The following ZRANB3 variants were observed in gnomAD, a reference collection of about 807,000 sequenced individuals.
ZRANB3 encodes the protein zinc finger RANBP2-type containing 3, also known as DNA annealing helicase and endonuclease ZRANB3.
ZRANB3 carries 125 observed loss-of-function variants against 133.8 expected under a neutral mutation model. The observed-to-expected ratio is 0.93, with a 90% CI of 0.81 to 1.08. The LOEUF (loss-of-function observed/expected upper bound fraction) is 1.08. Ranked by LOEUF, ZRANB3 falls within the 50% of genes least tolerant of loss-of-function variation. The pLI is 0.00. For synonymous variants in ZRANB3, 387 were observed against 432.7 expected (o/e 0.89, Z 1.31); for missense variants, 1,229 against 1,275.5 (o/e 0.96, Z 0.56).
rs111353356 is a variant in ZRANB3 at position 135,220,887 on chromosome 2, C to T, written c.2251-1709G>A. ...TTTTTTTTTTTTTGAGACAGAGTCACACTCTTTTGCCCAGGCTGGAGTGCA... is the reference window on the plus strand; with the variant it reads ...TTTTTTTTTTTTTGAGACAGAGTCATACTCTTTTGCCCAGGCTGGAGTGCA... On this transcript the variant is annotated intron_variant, in intron 15 of 20. Coordinates refer to ENST00000264159, the MANE Select transcript of ZRANB3 (RefSeq NM_032143.4). Among the ~76,000 whole-genome samples, 404 of 142,740 alleles carry T rather than the reference C, an allele frequency of 2.8e-3. 4 individuals carry two copies. The highest frequency in any genetic ancestry group is 0.01 in the African/African-American group (376 of 37,144). 93.6% of individuals were successfully genotyped at this position (142,740 alleles called of 152,430 possible). A position where few individuals can be genotyped will look rare whatever the true frequency, so the allele number is the denominator to read the frequency against.
chr2:135,279,959 A>G (rs560055043), intron 8 of ZRANB3, among the ~76,000 whole-genome samples: 11 of 152,214 alleles, frequency 7.2e-5, no homozygotes, highest in Non-Finnish European at 1.6e-4. Context: ...ATAGATTTTC[A>G]TTTTAAAATG....
In ZRANB3 at chr2:135,340,056, G is replaced by A. The variant is rs1229462970; in HGVS notation, c.677+5494C>T. ...TAATGTTTAAATATTTTATTCATCT[G>A]GAATTTATTGTTGTGTAAGAAGAAG... On this transcript the variant is annotated intron_variant, in intron 6 of 20. Transcript: ENST00000264159. 4.0e-5 allele frequency among the ~76,000 whole-genome samples: 6 copies of A among 150,340 alleles called. No individual in the cohort carries two copies. The South Asian group carries it at 1.3e-3, about 32-fold the overall frequency.
intron 5 of ZRANB3, among the ~76,000 whole-genome samples, chr2:135,349,684 A>G (rs1685106204): frequency 6.6e-6 from 1 of 152,224 alleles, no homozygotes; most frequent in Non-Finnish European, 1.5e-5. Flanking sequence ...GATTAAGACC[A>G]TAGAAGAACC....
At chr2:135,232,830 C>CA (rs926084903) in intron 12 of ZRANB3, among the ~76,000 whole-genome samples, 26 of 152,154 alleles carry the variant, frequency 1.7e-4, no homozygotes, top group African/African-American at 6.3e-4. Context: ...TAGATAAAAT[C>CA]ACAAAGATGG....
intron 2 of ZRANB3, among the ~76,000 whole-genome samples, chr2:135,415,952 G>T (rs565744670): frequency 7.6e-4 from 116 of 151,874 alleles, no homozygotes; most frequent in African/African-American, 2.4e-3. Flanking sequence ...TTGATGGGAC[G>T]TATCTCAAAA....
At chr2:135,498,476 G>A (rs981167139) in intron 2 of ZRANB3, among the ~76,000 whole-genome samples, 4 of 152,116 alleles carry the variant, frequency 2.6e-5, no homozygotes, top group Non-Finnish European at 5.9e-5. Context: ...ATCTTCGTAA[G>A]CTGAGGATGA....
chr2:135,507,412 C>T (rs948934195), intron 1 of ZRANB3, among the ~76,000 whole-genome samples: 1 of 152,276 alleles, frequency 6.6e-6, no homozygotes, highest in Non-Finnish European at 1.5e-5. Flanking sequence ...AGCTACTAAT[C>T]AGATATACTA....
chr2:135,433,148 C>T (rs1689390232), intron 2 of ZRANB3, among the ~76,000 whole-genome samples: 1 of 152,060 alleles, frequency 6.6e-6, no homozygotes, highest in African/African-American at 2.4e-5. Flanking sequence ...AATGAACCCC[C>T]TAAGATAGAA....
At chr2:135,453,305 C>T (rs1207033092) in intron 2 of ZRANB3, among the ~76,000 whole-genome samples, 2 of 152,220 alleles carry the variant, frequency 1.3e-5, no homozygotes, top group African/African-American at 2.4e-5. Context: ...GTGAAGGTCT[C>T]TGACATGGCC....
Position 135,488,343 on chromosome 2 carries a change from C to T in ZRANB3, c.161+15986G>A, listed in dbSNP as rs572199689. ...CTAAAATATGACACAGAGACACAAA[C>T]TTAACACATACTGTTGGAAAAATGG... On this transcript the variant is annotated intron_variant, in intron 2 of 20. Coordinates refer to ENST00000264159, the MANE Select transcript of ZRANB3 (RefSeq NM_032143.4). Among the ~76,000 whole-genome samples, 4 of 152,136 alleles carry T rather than the reference C, an allele frequency of 2.6e-5. No homozygotes were observed. The East Asian group carries it at 7.7e-4, about 29-fold the overall frequency.
chr2:135,224,588 G>T, intron 14 of ZRANB3, 71 bp from the exon 15 acceptor site: 1 of 1,088,100 alleles, frequency 9.2e-7, no homozygotes, highest in Non-Finnish European at 1.4e-6. Context: ...TTTTAATCGT[G>T]TGTAGGTTAG....
At chr2:135,434,535 G>C (rs1466567159) in intron 2 of ZRANB3, among the ~76,000 whole-genome samples, 1 of 152,214 alleles carries the variant, frequency 6.6e-6, no homozygotes, top group Non-Finnish European at 1.5e-5. Context: ...AGGGCTAGAA[G>C]TGAGTATTTA....
intron 12 of ZRANB3, among the ~76,000 whole-genome samples, chr2:135,260,640 A>G (rs1679910980): frequency 6.8e-6 from 1 of 146,984 alleles, no homozygotes; most frequent in South Asian, 2.1e-4. Context: ...TATATGTACT[A>G]TATATGTACT....
At chr2:135,254,448 T>TAA (rs747845588) in intron 12 of ZRANB3, among the ~76,000 whole-genome samples, 3 of 150,088 alleles carry the variant, frequency 2.0e-5, no homozygotes, top group South Asian at 2.1e-4. Flanking sequence ...TATAGTCTTT[T>TAA]AAAAAAAAAA....
At position 135,350,162 on chromosome 2, in the gene ZRANB3, T is replaced by C; in HGVS notation, c.413A>G (p.Asp138Gly). 4 of 1,611,280 alleles carry C rather than the reference T, an allele frequency of 2.5e-6. No individual in the cohort carries two copies. Among genetic ancestry groups the C allele is most frequent in the Non-Finnish European group, 2.5e-6 (3 of 1,178,620 alleles). The change falls in exon 5 of 21, where the codon GAT becomes GGT. Residue 138 changes from aspartate (D) to glycine (G), a missense_variant. By Grantham distance (94) the Asp-to-Gly change is moderately conservative. Transcript: ENST00000264159. ...CAGTGCATCTATCAAAGTCTTTGCA[T>C]CTGCGGTTAAGAGACCATAACCCAG... Reference protein sequence around the residue: ...TVLGYGLLTADAKTLIDALNN... With the variant: ...TVLGYGLLTAGAKTLIDALNN...
Position 135,198,824 on chromosome 2 carries a change from A to C in ZRANB3, c.*1518T>G, listed in dbSNP as rs2105028214. ...ACTTGATCTCATACAATGAAATAGAAACTGAGGAACAACTGTGGTTGTATA... is the reference window on the plus strand; with the variant it reads ...ACTTGATCTCATACAATGAAATAGACACTGAGGAACAACTGTGGTTGTATA... On this transcript the variant is annotated 3_prime_UTR_variant, in exon 21 of 21. Coordinates refer to ENST00000264159, the MANE Select transcript of ZRANB3 (RefSeq NM_032143.4). 1 of 152,340 alleles carries C rather than the reference A, an allele frequency of 6.6e-6. No homozygotes were observed. Among genetic ancestry groups the C allele is most frequent in the East Asian group, 1.9e-4 (1 of 5,192 alleles). The allele number at this position is 152,340 out of a possible 1,614,324, so 9.4% of individuals were successfully genotyped here. A position where few individuals can be genotyped will look rare whatever the true frequency, so the allele number is the denominator to read the frequency against.
chr2:135,505,026 TATTAAA>T (rs937735415), intron 1 of ZRANB3, among the ~76,000 whole-genome samples: 1 of 152,090 alleles, frequency 6.6e-6, no homozygotes, highest in Non-Finnish European at 1.5e-5. Context: ...ATTGTTTAAA[TATTAAA>T]ATTAATTCTT....
intron 17 of ZRANB3, among the ~76,000 whole-genome samples, 187 bp from the exon 18 acceptor site, chr2:135,209,165 C>T (rs569910772): frequency 1.9e-4 from 29 of 152,298 alleles, no homozygotes; most frequent in African/African-American, 7.0e-4. Flanking sequence ...GTGAGAAATA[C>T]ATCTCTTTGT....
chr2:135,339,834 C>T (rs1219230819), intron 6 of ZRANB3, among the ~76,000 whole-genome samples: 2 of 152,098 alleles, frequency 1.3e-5, no homozygotes, highest in South Asian at 2.1e-4. Flanking sequence ...CTTTCTCAGT[C>T]GCTGAAATTA....
Sources: gnomAD v4.1 joint callset for allele counts (sites outside exome capture counted in the v4.1 genomes callset) on GRCh38, gnomAD v4.1.1 for gene constraint, MANE v1.5 for transcripts, NCBI Gene and HGNC (gene_info 2026-07-23, HGNC 2026-07-21) for gene names.